TMEM132D: variants seen among roughly 807,000 people sequenced by gnomAD.
The protein encoded by TMEM132D is mature OL transmembrane protein.
In TMEM132D, 21 loss-of-function variants were observed where a neutral mutation model predicts 62.3. The ratio of observed to expected loss-of-function variants is 0.34; its 90% CI spans 0.24 to 0.49. The LOEUF (loss-of-function observed/expected upper bound fraction) is 0.49, where lower values mean the gene tolerates loss of function less well. Ranked by LOEUF, TMEM132D falls within the 20% of genes least tolerant of loss-of-function variation. The probability of loss-of-function intolerance (pLI) is 0.99; values close to 1 mark genes in which losing one functional copy is unlikely to be tolerated. For synonymous variants in TMEM132D, 621 were observed against 575.6 expected (o/e 1.08, Z -1.13); for missense variants, 1,346 against 1,402.8 (o/e 0.96, Z 0.65).
intron 3 of TMEM132D, among the ~76,000 whole-genome samples, chr12:129,465,812 A>G (rs1485922137): frequency 2.0e-5 from 3 of 152,040 alleles, no homozygotes; most frequent in Non-Finnish European, 4.4e-5. Flanking sequence ...CCTCCCACGT[A>G]GCTGGGATCA....
At chr12:129,863,992 G>A (rs551528655) in intron 1 of TMEM132D, among the ~76,000 whole-genome samples, 9 of 152,096 alleles carry the variant, frequency 5.9e-5, no homozygotes, top group Non-Finnish European at 1.0e-4. Flanking sequence ...GCCCAATTGC[G>A]CTACCACTAG....
At chr12:129,468,535 G>A (rs976228841) in intron 3 of TMEM132D, among the ~76,000 whole-genome samples, 1 of 151,558 alleles carries the variant, frequency 6.6e-6, no homozygotes, top group African/African-American at 2.4e-5. Flanking sequence ...CAAGCTCCAA[G>A]GGCTGCCTTG....
chr12:129,347,339 T>C (rs1337081655), intron 3 of TMEM132D, among the ~76,000 whole-genome samples: 8 of 152,184 alleles, frequency 5.3e-5, no homozygotes, highest in Non-Finnish European at 8.8e-5. Context: ...CAAAACAGCA[T>C]GGTACTGGTA....
At chr12:129,643,282 A>T (rs1054731415) in intron 2 of TMEM132D, among the ~76,000 whole-genome samples, 6 of 152,084 alleles carry the variant, frequency 3.9e-5, no homozygotes, top group African/African-American at 1.4e-4. Flanking sequence ...CCTATGCTAT[A>T]TTGTGGCCCC....
chr12:129,108,112 C>T (rs561376440), intron 5 of TMEM132D, among the ~76,000 whole-genome samples: 2 of 152,278 alleles, frequency 1.3e-5, no homozygotes, highest in Admixed American at 6.5e-5. Context: ...AAAATAATCA[C>T]TCCTGAAAAT....
intron 4 of TMEM132D, chr12:129,212,097 T>C (rs1879069415): frequency 6.6e-6 from 1 of 152,200 alleles, no homozygotes; most frequent in Non-Finnish European, 1.5e-5. Flanking sequence ...GACATCAGTC[T>C]CAGGGAAAAC....
At chr12:129,212,471 G>A (rs1488674696) in intron 4 of TMEM132D, 2 of 148,538 alleles carry the variant, frequency 1.3e-5, no homozygotes, top group Non-Finnish European at 3.0e-5. Flanking sequence ...ATAAGAGGAG[G>A]ACAAAAGAGA....
intron 2 of TMEM132D, among the ~76,000 whole-genome samples, chr12:129,605,774 C>G (rs942973312): frequency 3.3e-5 from 5 of 151,668 alleles, no homozygotes; most frequent in Non-Finnish European, 5.9e-5. Flanking sequence ...TGGCGTTTCT[C>G]ATACATCATT....
intron 5 of TMEM132D, among the ~76,000 whole-genome samples, chr12:129,186,468 C>T (rs1048069283): frequency 1.3e-5 from 2 of 152,214 alleles, no homozygotes; most frequent in African/African-American, 4.8e-5. Flanking sequence ...TTGCACCTCC[C>T]CACTTGACCC....
intron 4 of TMEM132D, among the ~76,000 whole-genome samples, chr12:129,284,899 G>A (rs1294967731): frequency 6.6e-6 from 1 of 152,196 alleles, no homozygotes; most frequent in Admixed American, 6.5e-5. Context: ...CAGATTGGTG[G>A]TGCCAGGGGT....
rs9943816 is a variant in TMEM132D, at chr12:129,315,367, G to A, written c.1299+22267C>T. On this transcript the variant is annotated intron_variant, in intron 4 of 8. Transcript: ENST00000422113. ...TTTAATCATAAAGGGATGCTGAATT[G>A]TGTTGAATACTTTTTCTGCATCTAT... Among the ~76,000 whole-genome samples the A allele has an allele frequency of 7.7e-3, 1,166 of 152,082 alleles. 14 individuals carry two copies. The highest frequency in any genetic ancestry group is 0.025 in the African/African-American group (1,042 of 41,528).
Position 129,187,947 on chromosome 12 carries a change from TA to T in TMEM132D, c.1443+21572del, listed in dbSNP as rs1349449078. On this transcript the variant is annotated intron_variant, in intron 5 of 8. Transcript: ENST00000422113. ...CTTTACACCAACTACTTTTACAATTTAGTCTGGTCTAAAAGAAGAATATTCG... is the reference window on the plus strand; with the variant it reads ...CTTTACACCAACTACTTTTACAATTTGTCTGGTCTAAAAGAAGAATATTCG... Among the ~76,000 whole-genome samples the T allele has an allele frequency of 2.6e-5, 4 of 152,378 alleles. No individual in the cohort carries two copies. The East Asian group carries it at 7.7e-4, about 29-fold the overall frequency.
intron 1 of TMEM132D, among the ~76,000 whole-genome samples, chr12:129,731,153 A>C (rs1035617580): frequency 1.3e-5 from 2 of 152,088 alleles, no homozygotes; most frequent in African/African-American, 4.8e-5. Flanking sequence ...TAGAAGGTTT[A>C]TATAATGCTT....
chr12:129,252,649 T>A (rs568521174), intron 4 of TMEM132D, among the ~76,000 whole-genome samples: 36 of 152,290 alleles, frequency 2.4e-4, no homozygotes, highest in African/African-American at 8.4e-4. Context: ...CTCAGGGATC[T>A]AGAACAAGAA....
At chr12:129,761,984 C>CG (rs1238569655) in intron 1 of TMEM132D, among the ~76,000 whole-genome samples, 20 of 152,152 alleles carry the variant, frequency 1.3e-4, no homozygotes, top group Admixed American at 1.3e-3. Context: ...CACAACACCT[C>CG]GGGCCTGGAA....
chr12:129,700,196 G>T lies in TMEM132D; in HGVS notation c.582C>A (p.Ala194=). 1 of 1,612,812 alleles carries T rather than the reference G, an allele frequency of 6.2e-7. No individual in the cohort carries two copies. The highest frequency in any genetic ancestry group is 8.5e-7 in the Non-Finnish European group (1 of 1,179,954). Residue 194 remains alanine (A), a synonymous_variant, in exon 2 of 9, where the codon GCC becomes GCA. Coordinates refer to ENST00000422113, the MANE Select transcript of TMEM132D (RefSeq NM_133448.3). ...RLQGDLGLCV[A]ELELLSSWFS... ...ACCAGCTGGACAGGAGCTCCAGCTC[G>T]GCCACGCACAGCCCCAGGTCCCCCT... is the stretch of plus-strand genomic sequence containing the variant.
At chr12:129,180,959 A>C (rs779326464) in intron 5 of TMEM132D, among the ~76,000 whole-genome samples, 3 of 152,030 alleles carry the variant, frequency 2.0e-5, no homozygotes, top group Non-Finnish European at 2.9e-5. Context: ...GAATTTCAAC[A>C]GGGGTAGAGC....
At position 129,582,935 on chromosome 12, in the gene TMEM132D, T is replaced by TTTG. The variant is rs199960858; in HGVS notation, c.969-51733_969-51731dup. Among the ~76,000 whole-genome samples the TTTG allele has an allele frequency of 2.0e-3, 296 of 151,696 alleles. 3 individuals are homozygous for TTTG. The highest frequency in any genetic ancestry group is 6.6e-3 in the African/African-American group (274 of 41,414). ...CCACCACGTCCAGCCGAGTTTGTTT[T>TTTG]TTGTTTTGTTTTGGAGACAGAGTCT... On this transcript the variant is annotated intron_variant, in intron 2 of 8. Coordinates refer to ENST00000422113, the MANE Select transcript of TMEM132D (RefSeq NM_133448.3).
chr12:129,675,274 C>T (rs1202397886), intron 2 of TMEM132D, among the ~76,000 whole-genome samples: 2 of 150,574 alleles, frequency 1.3e-5, no homozygotes, highest in African/African-American at 4.9e-5. Flanking sequence ...AACATAGGAA[C>T]AGAAAACCAT....
Sources: gnomAD v4.1 joint callset for allele counts (sites outside exome capture counted in the v4.1 genomes callset) on GRCh38, gnomAD v4.1.1 for gene constraint, MANE v1.5 for transcripts, NCBI Gene and HGNC (gene_info 2026-07-23, HGNC 2026-07-21) for gene names.